TLL1: variants seen among roughly 807,000 people sequenced by gnomAD.
TLL1 encodes tolloid-like protein 1.
In TLL1, 49 loss-of-function variants were observed where a neutral mutation model predicts 128.2. That is an observed-to-expected ratio of 0.38 (90% CI 0.30 to 0.48). TLL1 has a LOEUF of 0.48. Among genes scored for constraint, TLL1 ranks in the 20% least tolerant of loss-of-function variants. The pLI is 0.96. For missense variants in TLL1, 1,123 were observed against 1,242.0 expected, an observed-to-expected ratio of 0.90 and a Z score of 1.44; for synonymous variants, 454 against 418.8, an observed-to-expected ratio of 1.08 and a Z score of -1.03.
intron 12 of TLL1, among the ~76,000 whole-genome samples, chr4:166,046,627 C>T (rs1739470458): frequency 6.6e-6 from 1 of 152,146 alleles, no homozygotes; most frequent in East Asian, 1.9e-4. Flanking sequence ...CCTAATGTGC[C>T]CATTGCCAGC....
chr4:166,083,302 A>T (rs1579721857), intron 18 of TLL1, among the ~76,000 whole-genome samples: 2 of 123,626 alleles, frequency 1.6e-5, no homozygotes, highest in East Asian at 5.4e-4. Flanking sequence ...ACCATGTACA[A>T]TGTGATATAT....
chr4:166,027,768 G>T (rs1738574782), intron 9 of TLL1, among the ~76,000 whole-genome samples: 1 of 152,052 alleles, frequency 6.6e-6, no homozygotes, highest in Non-Finnish European at 1.5e-5. Context: ...TGAAAAGTTT[G>T]GGAACAAGGT....
At chr4:165,898,847 C>G (rs1731814901) in intron 1 of TLL1, among the ~76,000 whole-genome samples, 1 of 152,152 alleles carries the variant, frequency 6.6e-6, no homozygotes, top group African/African-American at 2.4e-5. Flanking sequence ...GGCTGTGAAT[C>G]TGTCTGGTCC....
chr4:166,023,974 C>T (rs1738371192), intron 8 of TLL1, among the ~76,000 whole-genome samples: 1 of 151,904 alleles, frequency 6.6e-6, no homozygotes, highest in African/African-American at 2.4e-5. Context: ...TTTAACTGAT[C>T]CTACTTAGAA....
intron 1 of TLL1, among the ~76,000 whole-genome samples, chr4:165,966,636 G>A (rs1735389376): frequency 6.6e-6 from 1 of 152,120 alleles, no homozygotes; most frequent in Non-Finnish European, 1.5e-5. Flanking sequence ...CTGGGTTTCT[G>A]GGGGAGACAT....
At chr4:166,007,003 AT>A (rs1478836159) in intron 6 of TLL1, among the ~76,000 whole-genome samples, 1 of 151,714 alleles carries the variant, frequency 6.6e-6, no homozygotes, top group Non-Finnish European at 1.5e-5. Context: ...TAATAGTTCC[AT>A]TTTTAGCTCC....
chr4:166,076,844 A>T (rs1391412634), intron 17 of TLL1, among the ~76,000 whole-genome samples: 1 of 152,152 alleles, frequency 6.6e-6, no homozygotes, highest in African/African-American at 2.4e-5. Context: ...GCAAATACAA[A>T]TCTCCCTGTG....
chr4:166,047,838 A>G (rs1460452824), intron 12 of TLL1, among the ~76,000 whole-genome samples: 1 of 152,138 alleles, frequency 6.6e-6, no homozygotes, highest in Non-Finnish European at 1.5e-5. Context: ...CAAAATTTAT[A>G]TGGTGAAACA....
rs184905536 is a variant in TLL1, at chr4:165,990,531, G to A, written c.280+1040G>A. On this transcript the variant is annotated intron_variant, in intron 2 of 20. Transcript: ENST00000061240. Reference sequence around the variant, plus strand: ...TCTACCTATTAGATTGTAGAATAGTGGTATTCTTACTTGTTAGATTCAGCA... The same window carrying A: ...TCTACCTATTAGATTGTAGAATAGTAGTATTCTTACTTGTTAGATTCAGCA... Among the ~76,000 whole-genome samples, 270 of 151,904 alleles carry A rather than the reference G, an allele frequency of 1.8e-3. 1 individual carries two copies. The highest frequency in any genetic ancestry group is 6.1e-3 in the African/African-American group (253 of 41,476).
intron 1 of TLL1, among the ~76,000 whole-genome samples, chr4:165,883,955 T>C (rs1269166233): frequency 6.6e-6 from 1 of 152,234 alleles, no homozygotes; most frequent in East Asian, 1.9e-4. Context: ...GCTATATATA[T>C]AGTCTTTCGG....
intron 1 of TLL1, among the ~76,000 whole-genome samples, chr4:165,946,315 A>G (rs1451024325): frequency 6.6e-6 from 1 of 151,854 alleles, no homozygotes; most frequent in East Asian, 1.9e-4. Flanking sequence ...GAGATAAATA[A>G]TGTGTTAAGC....
intron 1 of TLL1, among the ~76,000 whole-genome samples, chr4:165,966,281 G>A (rs1304025310): frequency 6.6e-6 from 1 of 151,912 alleles, no homozygotes; most frequent in Non-Finnish European, 1.5e-5. Context: ...TAGACGATTG[G>A]AAAGCTGACA....
intron 1 of TLL1, among the ~76,000 whole-genome samples, chr4:165,972,861 T>C (rs771164575): frequency 6.6e-6 from 1 of 152,174 alleles, no homozygotes; most frequent in Non-Finnish European, 1.5e-5. Context: ...AGTGATGTTT[T>C]TCCTTTCACC....
intron 1 of TLL1, among the ~76,000 whole-genome samples, chr4:165,879,958 A>C (rs1463621332): frequency 2.0e-5 from 3 of 151,826 alleles, no homozygotes; most frequent in Non-Finnish European, 4.4e-5. Flanking sequence ...TAAATTGAGG[A>C]GTGCAGAGTC....
intron 1 of TLL1, among the ~76,000 whole-genome samples, chr4:165,978,713 C>G (rs1012229436): frequency 6.6e-6 from 1 of 152,116 alleles, no homozygotes; most frequent in Non-Finnish European, 1.5e-5. Context: ...TCATTTGTTT[C>G]TTTGCATTAA....
intron 8 of TLL1, among the ~76,000 whole-genome samples, chr4:166,024,742 A>G (rs932087821): frequency 3.3e-5 from 5 of 152,166 alleles, no homozygotes; most frequent in Non-Finnish European, 7.3e-5. Context: ...AAAGTAAATA[A>G]ATATTTACAT....
At chr4:165,913,609 A>T (rs1231117320) in intron 1 of TLL1, among the ~76,000 whole-genome samples, 1 of 152,196 alleles carries the variant, frequency 6.6e-6, no homozygotes, top group Non-Finnish European at 1.5e-5. Flanking sequence ...GCTGTTATAC[A>T]ATTTAACAGC....
intron 13 of TLL1, 123 bp downstream of exon 13, chr4:166,055,394 T>C: frequency 1.2e-6 from 1 of 856,390 alleles, no homozygotes; most frequent in Non-Finnish European, 1.9e-6. Context: ...TAAGGATATT[T>C]TGGAGAGTTT....
At chr4:165,881,966 C>T (rs973910195) in intron 1 of TLL1, among the ~76,000 whole-genome samples, 3 of 151,958 alleles carry the variant, frequency 2.0e-5, no homozygotes, top group African/African-American at 7.3e-5. Context: ...GATTATGAGC[C>T]CATACAGAGT....
Sources: gnomAD v4.1 joint callset for allele counts (sites outside exome capture counted in the v4.1 genomes callset) on GRCh38, gnomAD v4.1.1 for gene constraint, MANE v1.5 for transcripts, NCBI Gene and HGNC (gene_info 2026-07-23, HGNC 2026-07-21) for gene names.